FUT8: variants seen among roughly 807,000 people sequenced by gnomAD.
The protein encoded by FUT8 is fucosyltransferase 8, also known as alpha-(1,6)-fucosyltransferase.
In FUT8, 29 loss-of-function variants were observed where a neutral mutation model predicts 71.3. The observed-to-expected ratio is 0.41, with a 90% CI of 0.30 to 0.55. The LOEUF (loss-of-function observed/expected upper bound fraction) is 0.55. FUT8 is among the 20% of genes least tolerant of loss of function. FUT8 has a pLI of 0.34. For missense variants in FUT8, 544 were observed against 702.1 expected (o/e 0.77, Z 2.55); for synonymous variants, 254 against 239.3 (o/e 1.06, Z -0.57).
chr14:65,524,557 C>A (rs979387176), intron 2 of FUT8, among the ~76,000 whole-genome samples: 11 of 152,082 alleles, frequency 7.2e-5, no homozygotes, highest in Non-Finnish European at 2.9e-5. Context: ...CAATTGAATG[C>A]CCTTTATTTC....
chr14:65,447,977 A>G (rs952275652), intron 1 of FUT8, among the ~76,000 whole-genome samples: 2 of 152,200 alleles, frequency 1.3e-5, no homozygotes, highest in African/African-American at 4.8e-5. Context: ...AAATTAGTGC[A>G]ACTAAGGCAG....
At chr14:65,584,244 T>C (rs1887254466) in intron 3 of FUT8, among the ~76,000 whole-genome samples, 1 of 150,870 alleles carries the variant, frequency 6.6e-6, no homozygotes, top group Non-Finnish European at 1.5e-5. Context: ...AGTGGTGCGA[T>C]CTTGGCTCAC....
chr14:65,594,006 G>A (rs78828104), intron 3 of FUT8, among the ~76,000 whole-genome samples: 9,526 of 152,302 alleles, frequency 0.063, 542 homozygotes, highest in African/African-American at 0.15. Flanking sequence ...CACTGCTCCC[G>A]GCCTAAGATG....
At chr14:65,429,235 G>GGTTTCT (rs1357726665) in intron 1 of FUT8, among the ~76,000 whole-genome samples, 1 of 152,144 alleles carries the variant, frequency 6.6e-6, no homozygotes, top group East Asian at 1.9e-4. Flanking sequence ...TTGACTTTTA[G>GGTTTCT]AAACCTTCAG....
At chr14:65,439,987 T>TATATATATATATAC (rs1358951833) in intron 1 of FUT8, among the ~76,000 whole-genome samples, 1 of 138,082 alleles carries the variant, frequency 7.2e-6, no homozygotes, top group Admixed American at 7.2e-5. Context: ...TATATATATA[T>TATATATATATATAC]ATATGTACAC....
At chr14:65,579,307 A>G (rs1266350675) in intron 3 of FUT8, among the ~76,000 whole-genome samples, 1 of 152,160 alleles carries the variant, frequency 6.6e-6, no homozygotes, top group Non-Finnish European at 1.5e-5. Context: ...TTATTAGCCT[A>G]TAGATAATGA....
intron 2 of FUT8, among the ~76,000 whole-genome samples, chr14:65,558,093 G>A (rs369111372): frequency 3.9e-5 from 6 of 152,100 alleles, no homozygotes. Context: ...CACTTTGGGA[G>A]GCTGAGGCAG....
chr14:65,704,544 T>A (rs1290213348), intron 7 of FUT8, among the ~76,000 whole-genome samples: 4 of 149,646 alleles, frequency 2.7e-5, no homozygotes, highest in East Asian at 2.0e-4. Flanking sequence ...CTAACTTATT[T>A]AAAAAAAATA....
chr14:65,535,203 G>A (rs763414857), intron 2 of FUT8, among the ~76,000 whole-genome samples: 2 of 151,726 alleles, frequency 1.3e-5, no homozygotes, highest in Non-Finnish European at 2.9e-5. Context: ...AGGTTCAAGC[G>A]ATTCTCATGC....
At chr14:65,695,096 G>A (rs1014786890) in intron 7 of FUT8, among the ~76,000 whole-genome samples, 1 of 152,106 alleles carries the variant, frequency 6.6e-6, no homozygotes, top group African/African-American at 2.4e-5. Flanking sequence ...ATATTGTTTA[G>A]CTTGGTGAAA....
intron 2 of FUT8, among the ~76,000 whole-genome samples, chr14:65,486,073 AC>A (rs1384289576): frequency 6.6e-6 from 1 of 152,092 alleles, no homozygotes; most frequent in Non-Finnish European, 1.5e-5. Context: ...ATTTTTTAAA[AC>A]TTTTTTTCCC....
At position 65,693,399 on chromosome 14, in the gene FUT8, C is replaced by A. The variant is rs530730289; in HGVS notation, c.835+23919C>A. 3.2e-4 allele frequency among the ~76,000 whole-genome samples: 49 copies of A among 152,252 alleles called. 1 individual carries two copies. Among genetic ancestry groups the A allele is most frequent in the Non-Finnish European group, 6.3e-4 (43 of 68,004 alleles). On this transcript the variant is annotated intron_variant, in intron 7 of 10. Coordinates refer to ENST00000673929, the MANE Select transcript of FUT8 (RefSeq NM_001371533.1). ...GCGCGCGCCTGCAATCGCAGGCACT[C>A]GGCAGGCTGAGGCAGGAGAATCAGG...
At position 65,615,981 on chromosome 14, in the gene FUT8, A is replaced by T; in HGVS notation, c.207A>T (p.Ile69=). Residue 69 remains isoleucine, a synonymous_variant, in exon 4 of 11, where the codon ATA becomes ATT. Coordinates refer to ENST00000673929, the MANE Select transcript of FUT8 (RefSeq NM_001371533.1). The part of the protein sequence containing the change: ...DLRRMAESLR[I]PEGPIDQGPA... ...CATTATCTTCCCTAAACTACAGGAT[A>T]CCAGAAGGCCCTATTGATCAGGGGC... 6.2e-7 allele frequency: 1 copy of T among 1,606,526 alleles called. No individual in the cohort carries two copies. Among genetic ancestry groups the T allele is most frequent in the Non-Finnish European group, 8.5e-7 (1 of 1,175,524 alleles).
the FUT8 span, among the ~76,000 whole-genome samples, chr14:65,404,478 C>CT: frequency 1.1e-4 from 15 of 141,318 alleles, no homozygotes; most frequent in South Asian, 7.1e-4. Flanking sequence ...AGCGTTGTTT[C>CT]TTTTTTTTTT....
At chr14:65,374,030 C>T in the FUT8 span, among the ~76,000 whole-genome samples, 1 of 152,246 alleles carries the variant, frequency 6.6e-6, no homozygotes, top group African/African-American at 2.4e-5. Context: ...CCAGCACTCC[C>T]ACCTTCGGAG....
At chr14:65,641,155 C>T (rs551058263) in intron 6 of FUT8, among the ~76,000 whole-genome samples, 6 of 152,234 alleles carry the variant, frequency 3.9e-5, no homozygotes, top group African/African-American at 1.2e-4. Flanking sequence ...TGCTCATGTC[C>T]GTTTGTGTTT....
the FUT8 span, among the ~76,000 whole-genome samples, chr14:65,358,499 G>T: frequency 6.6e-6 from 1 of 151,608 alleles, no homozygotes; most frequent in Non-Finnish European, 1.5e-5. Flanking sequence ...TTTGGAGATA[G>T]GGTCTCACTT....
chr14:65,481,399 TC>T (rs1453250105), intron 2 of FUT8, among the ~76,000 whole-genome samples: 1 of 152,190 alleles, frequency 6.6e-6, no homozygotes, highest in African/African-American at 2.4e-5. Flanking sequence ...CTTTTTTTTT[TC>T]TGATCGATTT....
rs398025445 is a variant in FUT8 at position 65,474,441 on chromosome 14, G to GAAAAAAAAAAAAAAAAAA, written c.-228+18739_-228+18740insAAAAAAAAAAAAAAAAAA. On this transcript the variant is annotated intron_variant, in intron 2 of 10. Coordinates refer to ENST00000673929, the MANE Select transcript of FUT8 (RefSeq NM_001371533.1). The stretch of plus-strand genomic sequence containing the variant: ...AACATGGTGAAAACCTGTCTCTACT[G>GAAAAAAAAAAAAAAAAAA]AAAAAAAAAAAAAAAAGCCAGGCGT... Among the ~76,000 whole-genome samples, 43 of 39,668 alleles carry GAAAAAAAAAAAAAAAAAA rather than the reference G, an allele frequency of 1.1e-3. 8 individuals carry two copies. The highest frequency in any genetic ancestry group is 8.5e-3 in the South Asian group (6 of 710). 26.0% of individuals were successfully genotyped at this position (39,668 alleles called of 152,430 possible). A position where few individuals can be genotyped will look rare whatever the true frequency, so the allele number is the denominator to read the frequency against.
Sources: gnomAD v4.1 joint callset for allele counts (sites outside exome capture counted in the v4.1 genomes callset) on GRCh38, gnomAD v4.1.1 for gene constraint, MANE v1.5 for transcripts, NCBI Gene and HGNC (gene_info 2026-07-23, HGNC 2026-07-21) for gene names.